KCNIP4: variants seen among roughly 807,000 people sequenced by gnomAD.
The protein encoded by KCNIP4 is potassium voltage-gated channel interacting protein 4.
KCNIP4 carries 12 observed loss-of-function variants against 34.0 expected under a neutral mutation model. That is an observed-to-expected ratio of 0.35 (90% CI 0.23 to 0.57). The LOEUF (loss-of-function observed/expected upper bound fraction) is 0.57. Ranked by LOEUF, KCNIP4 falls within the 20% of genes least tolerant of loss-of-function variation. The pLI, the probability that KCNIP4 is intolerant of heterozygous loss-of-function variation, is 0.83. For synonymous variants in KCNIP4, 124 were observed against 102.2 expected (o/e 1.21, Z -1.29); for missense variants, 238 against 311.7 (o/e 0.76, Z 1.78).
At chr4:21,191,531 T>A (rs1052542471) in intron 1 of KCNIP4, among the ~76,000 whole-genome samples, 1 of 152,160 alleles carries the variant, frequency 6.6e-6, no homozygotes, top group African/African-American at 2.4e-5. Context: ...TGCGCCCTAG[T>A]GCTGAAAGAT....
At chr4:21,499,107 C>A (rs1733089991) in intron 1 of KCNIP4, among the ~76,000 whole-genome samples, 1 of 151,980 alleles carries the variant, frequency 6.6e-6, no homozygotes, top group African/African-American at 2.4e-5. Context: ...CTGAGGTGGG[C>A]AGATCACGAG....
intron 1 of KCNIP4, among the ~76,000 whole-genome samples, chr4:21,543,846 T>G (rs1737906560): frequency 6.6e-6 from 1 of 152,132 alleles, no homozygotes; most frequent in Non-Finnish European, 1.5e-5. Context: ...CCATCTTTCT[T>G]CTCTCACACA....
intron 6 of KCNIP4, 48 bp downstream of exon 6, chr4:20,734,580 A>C: frequency 1.1e-6 from 1 of 890,428 alleles, no homozygotes; most frequent in Non-Finnish European, 1.7e-6. Context: ...TAAAGTTAAG[A>C]AATGAAAATG....
chr4:21,351,621 G>A (rs920481255), intron 1 of KCNIP4, among the ~76,000 whole-genome samples: 3 of 152,076 alleles, frequency 2.0e-5, no homozygotes, highest in African/African-American at 7.2e-5. Context: ...TTTGGAATAG[G>A]GCATTTAAAG....
intron 2 of KCNIP4, among the ~76,000 whole-genome samples, chr4:20,851,010 T>C (rs1577250900): frequency 7.3e-6 from 1 of 137,146 alleles, no homozygotes; most frequent in Non-Finnish European, 1.6e-5. Flanking sequence ...TATATTACTC[T>C]ATAAATCTAA....
chr4:21,570,243 A>C (rs1740258776), intron 1 of KCNIP4, among the ~76,000 whole-genome samples: 1 of 152,162 alleles, frequency 6.6e-6, no homozygotes. Flanking sequence ...TAGCGGTAGG[A>C]CTTGGAACTA....
chr4:21,575,690 CACATTTTAT>C (rs1740699109), intron 1 of KCNIP4, among the ~76,000 whole-genome samples: 1 of 152,126 alleles, frequency 6.6e-6, no homozygotes, highest in Non-Finnish European at 1.5e-5. Flanking sequence ...ATATTTAAAT[CACATTTTAT>C]ATTGCAATCT....
rs771055362 is a variant in KCNIP4, at chr4:20,732,808, G to A, written c.538-23C>T. ...TTCCTGAAAAATAAAAGGCACTCAC[G>A]TGAGGCTGCACACATGTATGAAGAA... On this transcript the variant is annotated intron_variant, in intron 6 of 8. Coordinates refer to ENST00000382152, the MANE Select transcript of KCNIP4 (RefSeq NM_025221.6). The A allele has an allele frequency of 2.7e-5, 37 of 1,371,528 alleles. 1 individual carries two copies. The South Asian group carries it at 2.9e-4, about 11-fold the overall frequency. 85.0% of individuals were successfully genotyped at this position (1,371,528 alleles called of 1,614,324 possible). A position where few individuals can be genotyped will look rare whatever the true frequency, so the allele number is the denominator to read the frequency against.
At chr4:21,291,853 C>CA (rs754018961) in intron 1 of KCNIP4, among the ~76,000 whole-genome samples, 549 of 26,134 alleles carry the variant, frequency 0.021, 25 homozygotes, top group Non-Finnish European at 0.033. Context: ...GACTCCGCCT[C>CA]AAAAAAAAAA....
intron 1 of KCNIP4, among the ~76,000 whole-genome samples, chr4:21,284,734 T>TTGTG (rs10547040): frequency 1.9e-4 from 28 of 149,588 alleles, no homozygotes; most frequent in South Asian, 2.1e-4. Flanking sequence ...GTGGGTGCCC[T>TTGTG]TGTGTGTGTG....
chr4:21,412,482 T>C (rs891496073), intron 1 of KCNIP4, among the ~76,000 whole-genome samples: 1 of 152,218 alleles, frequency 6.6e-6, no homozygotes, highest in Non-Finnish European at 1.5e-5. Context: ...AGCCATTTAT[T>C]AGTACTTTGG....
chr4:21,212,748 C>G (rs1237091705), intron 1 of KCNIP4, among the ~76,000 whole-genome samples: 2 of 152,114 alleles, frequency 1.3e-5, no homozygotes, highest in Admixed American at 6.6e-5. Flanking sequence ...AGTCACTAAT[C>G]CCATTCATGA....
rs1047452147 is a variant in KCNIP4 at position 20,765,991 on chromosome 4, A to G, written c.289-7101T>C. 2.6e-5 allele frequency among the ~76,000 whole-genome samples: 4 copies of G among 152,220 alleles called. No homozygotes were observed. The East Asian group carries it at 7.7e-4, about 29-fold the overall frequency. ...AGGCAGTATTACTATTGTAATAATC[A>G]GCATAAAGTAATACTTTATTGGTAT... is the stretch of plus-strand genomic sequence containing the variant. On this transcript the variant is annotated intron_variant, in intron 3 of 8. Coordinates refer to ENST00000382152, the MANE Select transcript of KCNIP4 (RefSeq NM_025221.6).
At chr4:21,616,549 C>T (rs893782866) in intron 1 of KCNIP4, among the ~76,000 whole-genome samples, 1 of 152,142 alleles carries the variant, frequency 6.6e-6, no homozygotes, top group Non-Finnish European at 1.5e-5. Flanking sequence ...ACTTTCTCTT[C>T]ATGTTAGAGG....
chr4:21,588,853 C>T lies in KCNIP4; in HGVS notation c.61+359718G>A, dbSNP rs376721003. 1.8e-3 allele frequency among the ~76,000 whole-genome samples: 266 copies of T among 151,448 alleles called. 10 individuals carry two copies. The South Asian group carries it at 0.048, about 27-fold the overall frequency. On this transcript the variant is annotated intron_variant, in intron 1 of 8. Transcript: ENST00000382152. ...ATTTGTAATTAGTAATAAGTCACTACGACATAAGGATTCTGCAACCATCAC... is the reference window on the plus strand; with the variant it reads ...ATTTGTAATTAGTAATAAGTCACTATGACATAAGGATTCTGCAACCATCAC...
intron 3 of KCNIP4, among the ~76,000 whole-genome samples, chr4:20,827,414 C>A (rs1717894067): frequency 6.6e-6 from 1 of 152,180 alleles, no homozygotes; most frequent in Non-Finnish European, 1.5e-5. Context: ...TGGGAATGCA[C>A]ATCCCTGGTG....
chr4:21,692,235 T>C (rs755260920), intron 1 of KCNIP4, among the ~76,000 whole-genome samples: 23 of 152,208 alleles, frequency 1.5e-4, no homozygotes, highest in Non-Finnish European at 2.8e-4. Context: ...GAACATAATT[T>C]GCAATGTAAT....
At chr4:21,326,810 T>C (rs2109314227) in intron 1 of KCNIP4, among the ~76,000 whole-genome samples, 1 of 152,148 alleles carries the variant, frequency 6.6e-6, no homozygotes, top group African/African-American at 2.4e-5. Flanking sequence ...GTGTGTCTGT[T>C]GTAAGTTTTT....
At chr4:21,356,848 C>T (rs185825818) in intron 1 of KCNIP4, among the ~76,000 whole-genome samples, 25 of 152,058 alleles carry the variant, frequency 1.6e-4, no homozygotes, top group African/African-American at 4.6e-4. Context: ...AAAAAGAGCC[C>T]GCATAGCCAA....
Sources: allele counts gnomAD v4.1 joint callset (sites outside exome capture counted in the v4.1 genomes callset), GRCh38; gene constraint gnomAD v4.1.1; transcripts MANE v1.5; gene names NCBI Gene and HGNC (gene_info 2026-07-23, HGNC 2026-07-21).